MTG2: variants seen among roughly 807,000 people sequenced by gnomAD.
MTG2 encodes mitochondrial ribosome-associated GTPase 2.
Under a neutral mutation model 28.6 loss-of-function variants are expected in MTG2, and 23 were observed. The observed-to-expected ratio is 0.80, with a 90% CI of 0.58 to 1.14. The LOEUF is 1.14. MTG2 is among the 50% of genes most tolerant of loss of function. The probability of loss-of-function intolerance (pLI) is 0.00; values close to 1 mark genes in which losing one functional copy is unlikely to be tolerated. For missense variants in MTG2, 539 were observed against 552.0 expected, an observed-to-expected ratio of 0.98 and a Z score of 0.24; for synonymous variants, 260 against 251.8, an observed-to-expected ratio of 1.03 and a Z score of -0.31.
chr20:62,197,892 G>T lies in MTG2; in HGVS notation c.393G>T (p.Arg131=). 6.2e-7 allele frequency: 1 copy of T among 1,614,232 alleles called. No homozygotes were observed. Among genetic ancestry groups the T allele is most frequent in the Non-Finnish European group, 8.5e-7 (1 of 1,180,040 alleles). The part of the protein sequence containing the change: ...QVKSLSSVLS[R]YQGFSGEDGG... ...AGTCCCTGTCGTCGGTCCTGTCGCGGTACCAGGGTTTCAGTGGAGAAGATG... is the reference window on the plus strand; with the variant it reads ...AGTCCCTGTCGTCGGTCCTGTCGCGTTACCAGGGTTTCAGTGGAGAAGATG... The change falls in exon 4 of 7, where the codon CGG becomes CGT. Residue 131 remains arginine (R), a synonymous_variant. Coordinates refer to ENST00000370823, the MANE Select transcript of MTG2 (RefSeq NM_015666.4).
chr20:62,199,218 G>T lies in MTG2; in HGVS notation c.787G>T (p.Val263Phe). Reference sequence around the variant, plus strand: ...CCCGTTCACCACCCTGAAGCCCCACGTCGGGATCGTCCACTACGAAGGCCA... The same window carrying T: ...CCCGTTCACCACCCTGAAGCCCCACTTCGGGATCGTCCACTACGAAGGCCA... ...SYPFTTLKPH[V>F]GIVHYEGHLQ... is the part of the protein sequence containing the mutation. The change falls in exon 6 of 7, where the codon GTC becomes TTC. Residue 263 changes from valine (V) to phenylalanine (F), a missense_variant. Physicochemically the swap from Val to Phe is conservative, Grantham distance 50 (BLOSUM62 -1). Transcript: ENST00000370823. The T allele has an allele frequency of 6.2e-7, 1 of 1,614,154 alleles. No individual in the cohort carries two copies. The highest frequency in any genetic ancestry group is 8.5e-7 in the Non-Finnish European group (1 of 1,180,016).
chr20:62,193,677 G>C, intron 2 of MTG2, 53 bp downstream of exon 2: 1 of 1,525,588 alleles, frequency 6.6e-7, no homozygotes, highest in East Asian at 2.4e-5. Context: ...AGAAGGCACA[G>C]GGTGTGGTTT....
At chr20:62,183,089 G>C (rs1410150549) in intron 1 of MTG2, 32 bp downstream of exon 1, 7 of 152,282 alleles carry the variant, frequency 4.6e-5, no homozygotes, top group Admixed American at 4.6e-4. Context: ...GGGGAGCGTG[G>C]GCCTGGGGGG....
At chr20:62,197,620 G>C (rs957072628) in intron 3 of MTG2, 14 of 484,866 alleles carry the variant, frequency 2.9e-5, no homozygotes, top group Non-Finnish European at 5.2e-5. Context: ...ATAGAATACA[G>C]CTACTGTAAA....
At chr20:62,191,987 C>T (rs2057969408) in intron 1 of MTG2, among the ~76,000 whole-genome samples, 1 of 152,158 alleles carries the variant, frequency 6.6e-6, no homozygotes, top group African/African-American at 2.4e-5. Context: ...CCAACCCTGT[C>T]GCTCCGGGGA....
chr20:62,201,271 G>A lies in MTG2; in HGVS notation c.*194G>A, dbSNP rs1353813474. 7 of 660,172 alleles carry A rather than the reference G, an allele frequency of 1.1e-5. No individual in the cohort carries two copies. The highest frequency in any genetic ancestry group is 4.0e-5 in the South Asian group (2 of 49,936). 40.9% of individuals were successfully genotyped at this position (660,172 alleles called of 1,614,324 possible). ...GTGCCCCCTACCCCGCCTGCCCTCCGTATTTCCTGCACCTGTCAGCCTGCA... is the reference window on the plus strand; with the variant it reads ...GTGCCCCCTACCCCGCCTGCCCTCCATATTTCCTGCACCTGTCAGCCTGCA... On this transcript the variant is annotated 3_prime_UTR_variant, in exon 7 of 7. Coordinates refer to ENST00000370823, the MANE Select transcript of MTG2 (RefSeq NM_015666.4).
At chr20:62,195,627 TGTG>T (rs1215525381) in intron 2 of MTG2, among the ~76,000 whole-genome samples, 172 bp from the exon 3 acceptor site, 2 of 152,208 alleles carry the variant, frequency 1.3e-5, no homozygotes, top group Non-Finnish European at 2.9e-5. Flanking sequence ...GCAACTGACT[TGTG>T]GAGACTGTTT....
chr20:62,196,167 G>T (rs6062135), intron 3 of MTG2, among the ~76,000 whole-genome samples: 33,090 of 145,792 alleles, frequency 0.23, 3,740 homozygotes, highest in Non-Finnish European at 0.25. Context: ...TTGTTTTTTT[G>T]TTTTTTTTTT....
At chr20:62,199,645 CAAAA>C (rs201555286) in intron 6 of MTG2, among the ~76,000 whole-genome samples, 1 of 70,848 alleles carries the variant, frequency 1.4e-5, no homozygotes, top group Admixed American at 2.0e-4. Flanking sequence ...AACTCCATCT[CAAAA>C]AAAAAAAAAA....
intron 1 of MTG2, among the ~76,000 whole-genome samples, chr20:62,183,934 T>C (rs971286149): frequency 2.0e-5 from 3 of 152,220 alleles, no homozygotes; most frequent in African/African-American, 7.2e-5. Context: ...AGAAGATTCC[T>C]GCCGTAAAAT....
At chr20:62,186,680 C>T (rs933265171) in intron 1 of MTG2, among the ~76,000 whole-genome samples, 1 of 152,090 alleles carries the variant, frequency 6.6e-6, no homozygotes, top group African/African-American at 2.4e-5. Context: ...AGGCACGTGC[C>T]ACCACGCCTG....
At chr20:62,186,693 T>TA (rs1261626379) in intron 1 of MTG2, among the ~76,000 whole-genome samples, 1 of 152,072 alleles carries the variant, frequency 6.6e-6, no homozygotes, top group Non-Finnish European at 1.5e-5. Context: ...CACGCCTGGC[T>TA]AATTTTTATA....
intron 1 of MTG2, among the ~76,000 whole-genome samples, chr20:62,183,842 C>G (rs1376856221): frequency 6.6e-6 from 1 of 152,168 alleles, no homozygotes; most frequent in African/African-American, 2.4e-5. Flanking sequence ...GAGAACGTAG[C>G]GAAACTTGGG....
At chr20:62,188,508 A>ATTTT (rs1192106476) in intron 1 of MTG2, among the ~76,000 whole-genome samples, 9,645 of 89,326 alleles carry the variant, frequency 0.11, 541 homozygotes, top group South Asian at 0.16. Context: ...TAATCAGCTA[A>ATTTT]TTTTTTTTTT....
At chr20:62,188,789 G>A (rs1434769412) in intron 1 of MTG2, 13 of 151,876 alleles carry the variant, frequency 8.6e-5, no homozygotes, top group Admixed American at 3.9e-4. Flanking sequence ...TTGTTTTCCA[G>A]ATATTTTTGA....
intron 3 of MTG2, among the ~76,000 whole-genome samples, chr20:62,196,892 C>T (rs1447361919): frequency 1.3e-5 from 2 of 151,012 alleles, no homozygotes; most frequent in South Asian, 2.1e-4. Flanking sequence ...ATTAGCTGGG[C>T]GTGGTGGTGG....
chr20:62,199,089 C>A (rs1222219377), intron 5 of MTG2, 30 bp from the exon 6 acceptor site: 1 of 1,612,278 alleles, frequency 6.2e-7, no homozygotes, highest in Non-Finnish European at 8.5e-7. Context: ...CTGCCGCGGG[C>A]CGTGCCACCG....
intron 2 of MTG2, chr20:62,194,015 G>T (rs185724392): frequency 1.9e-5 from 3 of 159,442 alleles, no homozygotes; most frequent in Admixed American, 6.3e-5. Flanking sequence ...TAAGGCAGGC[G>T]GATCACTTGA....
rs200240421 is a variant in MTG2 at position 62,199,099 on chromosome 20, G to A, written c.688-20G>A. 2.0e-4 allele frequency: 318 copies of A among 1,613,364 alleles called. No homozygotes were observed. In the African/African-American group the frequency reaches 2.2e-3, roughly 11 times the overall value. On this transcript the variant is annotated intron_variant, in intron 5 of 6. Coordinates refer to ENST00000370823, the MANE Select transcript of MTG2 (RefSeq NM_015666.4). Reference sequence around the variant, plus strand: ...AGGTGCTGCCGCGGGCCGTGCCACCGTCTTCCCTCTTTCCCCCAGGTGGGA... The same window carrying A: ...AGGTGCTGCCGCGGGCCGTGCCACCATCTTCCCTCTTTCCCCCAGGTGGGA...
Sources: allele counts gnomAD v4.1 joint callset (sites outside exome capture counted in the v4.1 genomes callset), GRCh38; gene constraint gnomAD v4.1.1; transcripts MANE v1.5; gene names NCBI Gene and HGNC (gene_info 2026-07-23, HGNC 2026-07-21).